NR1D2: variants seen among roughly 807,000 people sequenced by gnomAD.
NR1D2 encodes V-erbA-related protein 1-related.
Under a neutral mutation model 52.2 loss-of-function variants are expected in NR1D2, and 25 were observed. That is an observed-to-expected ratio of 0.48 (90% CI 0.35 to 0.67). The LOEUF is 0.67. Among genes scored for constraint, NR1D2 ranks in the 30% least tolerant of loss-of-function variants. The pLI, the probability that NR1D2 is intolerant of heterozygous loss-of-function variation, is 0.01. For synonymous variants in NR1D2, 259 were observed against 230.1 expected, an observed-to-expected ratio of 1.13 and a Z score of -1.14; for missense variants, 681 against 707.2, an observed-to-expected ratio of 0.96 and a Z score of 0.42.
Position 23,962,050 on chromosome 3 carries a change from C to A in NR1D2, c.591C>A (p.Thr197=), listed in dbSNP as rs367983289. The A allele has an allele frequency of 2.4e-4, 382 of 1,614,090 alleles. No individual in the cohort carries two copies. Among genetic ancestry groups the A allele is most frequent in the Middle Eastern group, 1.7e-3 (10 of 6,060 alleles). ...TTGAAATGCAAAGTGCAATGAAGACCATGATGAACAGCCAGTTCAGTGGTC... is the reference window on the plus strand; with the variant it reads ...TTGAAATGCAAAGTGCAATGAAGACAATGATGAACAGCCAGTTCAGTGGTC... ...MLIEMQSAMK[T]MMNSQFSGHL... is the part of the protein sequence containing the mutation. Residue 197 remains threonine, a synonymous_variant, in exon 5 of 8, where the codon ACC becomes ACA. Coordinates refer to ENST00000312521, the MANE Select transcript of NR1D2 (RefSeq NM_005126.5).
At chr3:23,963,450 G>A (rs1706341367) in intron 5 of NR1D2, 1 of 1,153,868 alleles carries the variant, frequency 8.7e-7, no homozygotes, top group African/African-American at 1.7e-5. Context: ...CTAAGTCGTT[G>A]CTTTTTTGTT....
chr3:23,958,348 TAAG>T (rs200822033), intron 3 of NR1D2, among the ~76,000 whole-genome samples: 2,001 of 152,318 alleles, frequency 0.013, 54 homozygotes, highest in African/African-American at 0.046. Flanking sequence ...GTCCACTTTT[TAAG>T]AAGTAGTCAT....
chr3:23,961,894 C>A (rs775316782), intron 4 of NR1D2, 83 bp from the exon 5 acceptor site: 2 of 1,299,452 alleles, frequency 1.5e-6, no homozygotes, highest in East Asian at 2.3e-5. Context: ...GAGGCCATAA[C>A]TGTTGGATAA....
At position 23,977,983 on chromosome 3, in the gene NR1D2, A is replaced by G. The variant is rs1431340455; in HGVS notation, c.*564A>G. 6.6e-6 allele frequency: 1 copy of G among 152,228 alleles called. No individual in the cohort carries two copies. The highest frequency in any genetic ancestry group is 2.4e-5 in the African/African-American group (1 of 41,456). 9.4% of individuals were successfully genotyped at this position (152,228 alleles called of 1,614,324 possible). A position where few individuals can be genotyped will look rare whatever the true frequency, so the allele number is the denominator to read the frequency against. On this transcript the variant is annotated 3_prime_UTR_variant, in exon 8 of 8. Transcript: ENST00000312521. ...TGGTGTCCCCAATGCCCCACCTCAC[A>G]GAGTTACTAAAAAATGTCTGTAAAG...
chr3:23,956,920 A>AATGAATATACATG (rs749747026), intron 3 of NR1D2, among the ~76,000 whole-genome samples: 24 of 152,162 alleles, frequency 1.6e-4, no homozygotes, highest in Non-Finnish European at 2.8e-4. Flanking sequence ...TAAACAAGAT[A>AATGAATATACATG]ATGAATATAC....
At chr3:23,976,111 G>A (rs1021607275) in intron 7 of NR1D2, among the ~76,000 whole-genome samples, 1 of 152,178 alleles carries the variant, frequency 6.6e-6, no homozygotes, top group Admixed American at 6.5e-5. Flanking sequence ...ATCTACATAG[G>A]TTTGCCTGAT....
intron 1 of NR1D2, among the ~76,000 whole-genome samples, chr3:23,951,584 C>A (rs1406714542): frequency 6.6e-6 from 1 of 152,176 alleles, no homozygotes; most frequent in African/African-American, 2.4e-5. Flanking sequence ...ATGACACTGG[C>A]TAGGTTTCTA....
Position 23,977,689 on chromosome 3 carries a change from A to G in NR1D2, c.*270A>G, listed in dbSNP as rs1706770044. Reference sequence around the variant, plus strand: ...GAAGTATAATCACACTGAATGTTAGACTTTTTCATCTGCCAAAACCAAAAA... The same window carrying G: ...GAAGTATAATCACACTGAATGTTAGGCTTTTTCATCTGCCAAAACCAAAAA... On this transcript the variant is annotated 3_prime_UTR_variant, in exon 8 of 8. Coordinates refer to ENST00000312521, the MANE Select transcript of NR1D2 (RefSeq NM_005126.5). 2 of 264,242 alleles carry G rather than the reference A, an allele frequency of 7.6e-6. No individual in the cohort carries two copies. The highest frequency in any genetic ancestry group is 2.2e-5 in the African/African-American group (1 of 45,502). 16.4% of individuals were successfully genotyped at this position (264,242 alleles called of 1,614,324 possible). A position where few individuals can be genotyped will look rare whatever the true frequency, so the allele number is the denominator to read the frequency against.
intron 7 of NR1D2, among the ~76,000 whole-genome samples, chr3:23,969,881 G>A (rs11717862): frequency 0.79 from 120,580 of 152,076 alleles, 48,732 homozygotes; most frequent in African/African-American, 0.93. Flanking sequence ...AGCTTTCCCA[G>A]TGAAGAAGAG....
intron 7 of NR1D2, among the ~76,000 whole-genome samples, chr3:23,971,529 A>G (rs973345612): frequency 6.6e-6 from 1 of 151,994 alleles, no homozygotes; most frequent in Non-Finnish European, 1.5e-5. Flanking sequence ...TCGGCCTCCC[A>G]AAGTGTTGGG....
chr3:23,962,464 C>T lies in NR1D2; in HGVS notation c.1005C>T (p.Ala335=). The T allele has an allele frequency of 6.2e-7, 1 of 1,614,094 alleles. No individual in the cohort carries two copies. Among genetic ancestry groups the T allele is most frequent in the Non-Finnish European group, 8.5e-7 (1 of 1,180,008 alleles). The part of the protein sequence containing the change: ...RNIMHYPNGH[A]ICIANGHCMN... ...TAATGCATTACCCAAATGGTCATGC[C>T]ATTTGTATTGCAAATGGACATTGTA... Residue 335 remains alanine (A), a synonymous_variant, in exon 5 of 8, where the codon GCC becomes GCT. Transcript: ENST00000312521.
At chr3:23,973,625 A>G (rs1039441631) in intron 7 of NR1D2, among the ~76,000 whole-genome samples, 5 of 152,214 alleles carry the variant, frequency 3.3e-5, no homozygotes, top group African/African-American at 1.2e-4. Context: ...TGTAGACTTA[A>G]TCACTGAACA....
intron 3 of NR1D2, among the ~76,000 whole-genome samples, chr3:23,958,913 C>T (rs1157048385): frequency 6.6e-6 from 1 of 152,158 alleles, no homozygotes; most frequent in Non-Finnish European, 1.5e-5. Context: ...CGCACCACTG[C>T]ACTCCAGCCC....
chr3:23,968,015 T>G lies in NR1D2; in HGVS notation c.1535T>G (p.Val512Gly), dbSNP rs1706496638. The change falls in exon 7 of 8, where the codon GTA (valine) becomes GGA (glycine). Residue 512 changes from valine (V) to glycine (G), a missense_variant. Transcript: ENST00000312521. ...EMSLFTAVVL[V>G]SADRSGIENV... Reference sequence around the variant, plus strand: ...AGTTTGTTTACAGCTGTTGTCCTGGTATCTGCAGGTAAGCAAGCTGGTTCA... The same window carrying G: ...AGTTTGTTTACAGCTGTTGTCCTGGGATCTGCAGGTAAGCAAGCTGGTTCA... 1.2e-6 allele frequency: 2 copies of G among 1,613,870 alleles called. No homozygotes were observed. Among genetic ancestry groups the G allele is most frequent in the Non-Finnish European group, 1.7e-6 (2 of 1,179,840 alleles).
intron 7 of NR1D2, among the ~76,000 whole-genome samples, chr3:23,973,637 G>A (rs1231892992): frequency 6.6e-6 from 1 of 152,074 alleles, no homozygotes; most frequent in African/African-American, 2.4e-5. Flanking sequence ...CACTGAACAC[G>A]TACGGTACAC....
At position 23,977,807 on chromosome 3, in the gene NR1D2, A is replaced by AATG. The variant is rs1331691464; in HGVS notation, c.*392_*394dup. Reference sequence around the variant, plus strand: ...ATCCTTTGTGGTAGGAGTTCTGTTGAATGATGGAAATCTTATTACTACCAC... The same window carrying AATG: ...ATCCTTTGTGGTAGGAGTTCTGTTGAATGATGATGGAAATCTTATTACTACCAC... On this transcript the variant is annotated 3_prime_UTR_variant, in exon 8 of 8. Transcript: ENST00000312521. 1 of 154,212 alleles carries AATG rather than the reference A, an allele frequency of 6.5e-6. No homozygotes were observed. The highest frequency in any genetic ancestry group is 6.5e-5 in the Admixed American group (1 of 15,432). 9.6% of individuals were successfully genotyped at this position (154,212 alleles called of 1,614,324 possible). A position where few individuals can be genotyped will look rare whatever the true frequency, so the allele number is the denominator to read the frequency against.
At position 23,954,613 on chromosome 3, in the gene NR1D2, T is replaced by C. The variant is rs1429542549; in HGVS notation, c.93T>C (p.Asn31=). ...PASCHSEGSE[N]SFQSSSSSVP... ...CTTGTCACAGTGAGGGTTCTGAGAA[T>C]AGTTTCCAGTCCTCCTCCTCTTCTG... The change falls in exon 2 of 8, where the codon AAT becomes AAC. Residue 31 remains asparagine, a synonymous_variant. Transcript: ENST00000312521. 1.4e-5 allele frequency: 23 copies of C among 1,613,946 alleles called. No homozygotes were observed. The highest frequency in any genetic ancestry group is 1.8e-5 in the Non-Finnish European group (21 of 1,179,904).
At chr3:23,946,603 G>C (rs560423524) in intron 1 of NR1D2, 1 of 152,278 alleles carries the variant, frequency 6.6e-6, no homozygotes, top group African/African-American at 2.4e-5. Flanking sequence ...CAGTAAACGG[G>C]TCACACCCGC....
chr3:23,963,458 G>GC, intron 5 of NR1D2: 1 of 946,424 alleles, frequency 1.1e-6, no homozygotes, highest in Non-Finnish European at 1.3e-6. Flanking sequence ...TTGCTTTTTT[G>GC]TTTTTTTTTT....
Sources: allele counts gnomAD v4.1 joint callset (sites outside exome capture counted in the v4.1 genomes callset), GRCh38; gene constraint gnomAD v4.1.1; transcripts MANE v1.5; gene names NCBI Gene and HGNC (gene_info 2026-07-23, HGNC 2026-07-21).